Variants in EYA1 observed in about 807,000 individuals in gnomAD.
EYA1 encodes the protein protein phosphatase EYA1.
A neutral mutation model predicts 82.0 loss-of-function variants in EYA1; 16 were observed. That is an observed-to-expected ratio of 0.20 (90% CI 0.13 to 0.30). The LOEUF is 0.30. Ranked by LOEUF, EYA1 falls within the 10% of genes least tolerant of loss-of-function variation. The pLI is 1.00. For missense variants in EYA1, 633 were observed against 730.7 expected (o/e 0.87, Z 1.54); for synonymous variants, 261 against 264.4 (o/e 0.99, Z 0.12).
At chr8:71,382,551 T>G (rs1186180244) in intron 2 of EYA1, among the ~76,000 whole-genome samples, 2 of 152,144 alleles carry the variant, frequency 1.3e-5, no homozygotes, top group Non-Finnish European at 2.9e-5. Flanking sequence ...TTAAAAATAT[T>G]TTTAAAGTTG....
chr8:71,405,125 G>A (rs923927433), intron 2 of EYA1, among the ~76,000 whole-genome samples: 2 of 151,960 alleles, frequency 1.3e-5, no homozygotes, highest in African/African-American at 2.4e-5. Flanking sequence ...CATATTACAC[G>A]TTCCAGAAAG....
At chr8:71,252,574 T>C (rs2128918638) in intron 11 of EYA1, among the ~76,000 whole-genome samples, 1 of 152,222 alleles carries the variant, frequency 6.6e-6, no homozygotes, top group East Asian at 1.9e-4. Flanking sequence ...AACTAGACGA[T>C]GCAACATGAG....
intron 2 of EYA1, among the ~76,000 whole-genome samples, chr8:71,516,239 C>T (rs1401289507): frequency 6.6e-6 from 1 of 152,122 alleles, no homozygotes; most frequent in African/African-American, 2.4e-5. Context: ...CACTGAGTAC[C>T]AGGCAATGTG....
intron 2 of EYA1, among the ~76,000 whole-genome samples, chr8:71,398,928 T>A (rs990674298): frequency 6.6e-6 from 1 of 152,100 alleles, no homozygotes; most frequent in African/African-American, 2.4e-5. Context: ...CCTCCTTGAG[T>A]ATGGTGGGCT....
chr8:71,539,748 G>A (rs1452756243), intron 1 of EYA1, among the ~76,000 whole-genome samples: 1 of 152,136 alleles, frequency 6.6e-6, no homozygotes, highest in Non-Finnish European at 1.5e-5. Context: ...CCTGATACAG[G>A]AATAATGGAA....
chr8:71,497,674 T>C (rs561990110), intron 2 of EYA1, among the ~76,000 whole-genome samples: 33 of 151,970 alleles, frequency 2.2e-4, no homozygotes, highest in Non-Finnish European at 4.4e-4. Context: ...CCTCAAAAAA[T>C]TAAAAACAGA....
intron 2 of EYA1, among the ~76,000 whole-genome samples, chr8:71,531,499 A>G (rs1814272964): frequency 6.6e-6 from 1 of 152,186 alleles, no homozygotes; most frequent in African/African-American, 2.4e-5. Context: ...TCACAACTTC[A>G]TAAGGAAAAT....
At chr8:71,418,685 T>C (rs1428911276) in intron 2 of EYA1, among the ~76,000 whole-genome samples, 1 of 152,198 alleles carries the variant, frequency 6.6e-6, no homozygotes, top group Non-Finnish European at 1.5e-5. Context: ...TTGAACACCA[T>C]ATTATATGCT....
Position 71,343,496 on chromosome 8 carries a change from G to A in EYA1, c.125-9322C>T, listed in dbSNP as rs186076308. ...GGTTTATCAGGAGAGGGAAACTGGC[G>A]GCTTTATGAGAAGAGGAAGAGGAAC... On this transcript the variant is annotated intron_variant, in intron 3 of 17. Transcript: ENST00000340726. Among the ~76,000 whole-genome samples the A allele has an allele frequency of 1.1e-3, 161 of 152,182 alleles. 1 individual carries two copies. The highest frequency in any genetic ancestry group is 0.01 in the South Asian group (50 of 4,812).
rs553898487 is a variant in EYA1 at position 71,475,019 on chromosome 8, CT to C, written c.33+60724del. Among the ~76,000 whole-genome samples, 7 of 152,286 alleles carry C rather than the reference CT, an allele frequency of 4.6e-5. No homozygotes were observed. The South Asian group carries it at 1.5e-3, about 32-fold the overall frequency. On this transcript the variant is annotated intron_variant, in intron 2 of 18. Transcript: ENST00000643681. ...TGGTGGCATGTGCCTGTAATCTCAG[CT>C]ACTTGGGAGGCTGAGGCAGGAGAAT...
chr8:71,311,110 C>T (rs1821286844), intron 7 of EYA1, among the ~76,000 whole-genome samples: 2 of 152,182 alleles, frequency 1.3e-5, no homozygotes, highest in South Asian at 4.1e-4. Flanking sequence ...TATGATTGGG[C>T]ACCACCATTA....
intron 2 of EYA1, among the ~76,000 whole-genome samples, chr8:71,395,106 G>A (rs1394455113): frequency 1.3e-5 from 2 of 152,142 alleles, no homozygotes; most frequent in African/African-American, 4.8e-5. Flanking sequence ...TGTTATTGGT[G>A]TATAAGAATG....
intron 11 of EYA1, among the ~76,000 whole-genome samples, chr8:71,245,701 A>G (rs894096533): frequency 6.6e-6 from 1 of 152,166 alleles, no homozygotes; most frequent in Admixed American, 6.5e-5. Context: ...TTTAATCTAG[A>G]TAACTCTCTA....
chr8:71,453,286 A>G (rs929856814), intron 2 of EYA1, among the ~76,000 whole-genome samples: 1 of 152,220 alleles, frequency 6.6e-6, no homozygotes, highest in South Asian at 2.1e-4. Flanking sequence ...CACCAACTCT[A>G]CGTCTAATTG....
chr8:71,264,827 C>T (rs964777536), intron 11 of EYA1, among the ~76,000 whole-genome samples: 11 of 152,090 alleles, frequency 7.2e-5, no homozygotes, highest in Non-Finnish European at 1.3e-4. Context: ...AAGTGATCTA[C>T]CCGCCTCAGC....
chr8:71,425,513 C>T (rs1041975504), intron 2 of EYA1, among the ~76,000 whole-genome samples: 1 of 152,088 alleles, frequency 6.6e-6, no homozygotes, highest in South Asian at 2.1e-4. Context: ...TATGATTAAA[C>T]ATCCCTTCCA....
At chr8:71,248,454 G>A (rs1051529080) in intron 11 of EYA1, among the ~76,000 whole-genome samples, 1 of 152,228 alleles carries the variant, frequency 6.6e-6, no homozygotes, top group Non-Finnish European at 1.5e-5. Context: ...TTTGCTCACT[G>A]TGTGGATATA....
intron 11 of EYA1, among the ~76,000 whole-genome samples, chr8:71,262,654 C>CA (rs1247610456): frequency 6.6e-6 from 1 of 152,174 alleles, no homozygotes; most frequent in African/African-American, 2.4e-5. Flanking sequence ...CTTTTATATT[C>CA]ATGAACAAGA....
At chr8:71,450,949 C>A (rs59117331) in intron 2 of EYA1, among the ~76,000 whole-genome samples, 1 of 152,000 alleles carries the variant, frequency 6.6e-6, no homozygotes. Flanking sequence ...TAAAAACATG[C>A]AAAAGAAGAA....
Sources: gnomAD v4.1 joint callset for allele counts (sites outside exome capture counted in the v4.1 genomes callset) on GRCh38, gnomAD v4.1.1 for gene constraint, MANE v1.5 for transcripts, NCBI Gene and HGNC (gene_info 2026-07-23, HGNC 2026-07-21) for gene names.